TCERG1L: variants seen among roughly 807,000 people sequenced by gnomAD.
The protein encoded by TCERG1L is transcription elongation regulator 1-like protein.
A neutral mutation model predicts 56.3 loss-of-function variants in TCERG1L; 37 were observed. The ratio of observed to expected loss-of-function variants is 0.66; its 90% CI spans 0.51 to 0.87. The LOEUF is 0.87. TCERG1L is among the 40% of genes least tolerant of loss of function. The pLI, the probability that TCERG1L is intolerant of heterozygous loss-of-function variation, is 0.00. For synonymous variants in TCERG1L, 324 were observed against 326.3 expected, an observed-to-expected ratio of 0.99 and a Z score of 0.08; for missense variants, 799 against 774.2, an observed-to-expected ratio of 1.03 and a Z score of -0.38.
At chr10:131,263,319 T>C (rs1846251001) in intron 3 of TCERG1L, among the ~76,000 whole-genome samples, 1 of 152,206 alleles carries the variant, frequency 6.6e-6, no homozygotes. Context: ...ATATATCATC[T>C]TAATAATAAC....
chr10:131,160,398 G>A (rs548514493), intron 6 of TCERG1L, among the ~76,000 whole-genome samples: 50 of 151,828 alleles, frequency 3.3e-4, no homozygotes, highest in Admixed American at 5.9e-4. Context: ...CCTGAAGCCC[G>A]TGGCCCTACA....
At chr10:131,146,718 G>A (rs752402607) in intron 6 of TCERG1L, 58 bp from the exon 7 acceptor site, 162 of 1,542,098 alleles carry the variant, frequency 1.1e-4, no homozygotes, top group Non-Finnish European at 1.4e-4. Flanking sequence ...TTAGAAAGTC[G>A]TTAGCATGAA....
intron 4 of TCERG1L, among the ~76,000 whole-genome samples, chr10:131,196,985 G>A (rs1303543131): frequency 2.6e-5 from 4 of 152,164 alleles, no homozygotes; most frequent in African/African-American, 9.7e-5. Context: ...CCTTTGCAAG[G>A]GAAGAGTGGG....
At chr10:131,228,548 G>T (rs1845817736) in intron 4 of TCERG1L, among the ~76,000 whole-genome samples, 1 of 40,176 alleles carries the variant, frequency 2.5e-5, no homozygotes, top group Non-Finnish European at 4.6e-5. Context: ...GGCCTCACGA[G>T]TCTCCCCTCC....
chr10:131,094,332 G>T (rs141964224), intron 11 of TCERG1L, among the ~76,000 whole-genome samples: 2 of 152,232 alleles, frequency 1.3e-5, no homozygotes, highest in East Asian at 1.9e-4. Flanking sequence ...TTTGTCCGGG[G>T]GATTCTTCTT....
At chr10:131,206,508 C>T (rs934195452) in intron 4 of TCERG1L, among the ~76,000 whole-genome samples, 5 of 152,220 alleles carry the variant, frequency 3.3e-5, no homozygotes, top group South Asian at 2.1e-4. Flanking sequence ...ATGGAACAAG[C>T]GCCCCTCGTG....
intron 4 of TCERG1L, among the ~76,000 whole-genome samples, chr10:131,168,067 T>G (rs1846050509): frequency 6.6e-6 from 1 of 152,194 alleles, no homozygotes; most frequent in African/African-American, 2.4e-5. Context: ...AGCTCAAGAC[T>G]GGGCAGTGCA....
intron 8 of TCERG1L, among the ~76,000 whole-genome samples, chr10:131,133,104 T>C (rs1313526263): frequency 1.3e-5 from 2 of 152,220 alleles, no homozygotes; most frequent in South Asian, 2.1e-4. Flanking sequence ...GTTTTGTTCA[T>C]GGCTCCATCG....
chr10:131,229,411 C>T lies in TCERG1L; in HGVS notation c.856+30848G>A, dbSNP rs547566253. ...CAAGATCTTTCAGAAGAAACCCCAG[C>T]CGTCAATGACACGCAGGTTTTATGC... On this transcript the variant is annotated intron_variant, in intron 4 of 11. Transcript: ENST00000368642. 2.3e-4 allele frequency among the ~76,000 whole-genome samples: 35 copies of T among 152,340 alleles called. No homozygotes were observed. In the South Asian group the frequency reaches 5.0e-3, roughly 22 times the overall value.
rs78734726 is a variant in TCERG1L at position 131,238,711 on chromosome 10, C to T, written c.856+21548G>A. 5.0e-3 allele frequency among the ~76,000 whole-genome samples: 765 copies of T among 152,308 alleles called. 8 individuals are homozygous for T. Among genetic ancestry groups the T allele is most frequent in the African/African-American group, 0.017 (727 of 41,568 alleles). On this transcript the variant is annotated intron_variant, in intron 4 of 11. Transcript: ENST00000368642. ...ATTGTTCTGGAAGTGCTGATGGTCTCGGGCTGGAAATGGGACCTGGTCCTC... is the reference window on the plus strand; with the variant it reads ...ATTGTTCTGGAAGTGCTGATGGTCTTGGGCTGGAAATGGGACCTGGTCCTC...
intron 3 of TCERG1L, among the ~76,000 whole-genome samples, chr10:131,294,130 T>C (rs999647253): frequency 6.6e-6 from 1 of 152,064 alleles, no homozygotes; most frequent in African/African-American, 2.4e-5. Flanking sequence ...GTTTTCACAC[T>C]GTGGGAAGAA....
At chr10:131,102,434 G>A (rs1360157841) in intron 10 of TCERG1L, among the ~76,000 whole-genome samples, 1 of 152,202 alleles carries the variant, frequency 6.6e-6, no homozygotes, top group Non-Finnish European at 1.5e-5. Context: ...CTGAGACTCT[G>A]TGGGTTCGTG....
At chr10:131,251,577 C>T (rs957244751) in intron 4 of TCERG1L, among the ~76,000 whole-genome samples, 2 of 152,008 alleles carry the variant, frequency 1.3e-5, no homozygotes, top group Non-Finnish European at 2.9e-5. Flanking sequence ...GATATCCGGT[C>T]GCTGGAAAGG....
intron 4 of TCERG1L, among the ~76,000 whole-genome samples, chr10:131,180,609 C>T (rs1252006883): frequency 6.6e-6 from 1 of 152,134 alleles, no homozygotes; most frequent in Admixed American, 6.5e-5. Context: ...GGTACTATTC[C>T]TATAGGTGTA....
rs150995490 is a variant in TCERG1L, at chr10:131,219,718, G to A, written c.856+40541C>T. On this transcript the variant is annotated intron_variant, in intron 4 of 11. Transcript: ENST00000368642. ...AAGCTCACCGCGGCATCCCTGGGGC[G>A]TTCGGGGCTGGATATGGGCCCTGAG... is the stretch of plus-strand genomic sequence containing the variant. Among the ~76,000 whole-genome samples the A allele has an allele frequency of 3.8e-3, 575 of 152,312 alleles. 3 individuals are homozygous for A. Among genetic ancestry groups the A allele is most frequent in the Non-Finnish European group, 6.5e-3 (444 of 68,018 alleles).
chr10:131,303,120 TA>T (rs1444583734), intron 3 of TCERG1L, among the ~76,000 whole-genome samples: 6 of 152,054 alleles, frequency 3.9e-5, no homozygotes, highest in Non-Finnish European at 8.8e-5. Flanking sequence ...TAGAATGATT[TA>T]TAATCCTCTG....
intron 3 of TCERG1L, among the ~76,000 whole-genome samples, chr10:131,269,810 T>C (rs1219591521): frequency 6.6e-6 from 1 of 152,176 alleles, no homozygotes; most frequent in Admixed American, 6.5e-5. Context: ...TGTTCCCACC[T>C]GGGGTTGCCA....
chr10:131,095,475 G>C (rs1845235836), intron 11 of TCERG1L: 1 of 152,230 alleles, frequency 6.6e-6, no homozygotes, highest in African/African-American at 2.4e-5. Context: ...CTGCTTCTAA[G>C]AGGCCCACGT....
intron 4 of TCERG1L, among the ~76,000 whole-genome samples, chr10:131,183,415 T>C (rs1303135753): frequency 6.6e-6 from 1 of 152,222 alleles, no homozygotes; most frequent in Non-Finnish European, 1.5e-5. Context: ...CCATTTCTAT[T>C]GAGCTACCTA....
Sources: allele counts gnomAD v4.1 joint callset (sites outside exome capture counted in the v4.1 genomes callset), GRCh38; gene constraint gnomAD v4.1.1; transcripts MANE v1.5; gene names NCBI Gene and HGNC (gene_info 2026-07-23, HGNC 2026-07-21).